The following ESR1 variants were observed in gnomAD, a reference collection of about 807,000 sequenced individuals.
ESR1 encodes the protein estrogen receptor 1.
A neutral mutation model predicts 52.7 loss-of-function variants in ESR1; 12 were observed. That is an observed-to-expected ratio of 0.23 (90% CI 0.15 to 0.37). The LOEUF (loss-of-function observed/expected upper bound fraction) is 0.37, where lower values mean the gene tolerates loss of function less well. Among genes scored for constraint, ESR1 ranks in the 10% least tolerant of loss-of-function variants. The probability of loss-of-function intolerance (pLI) is 1.00; values close to 1 mark genes in which losing one functional copy is unlikely to be tolerated. For synonymous variants in ESR1, 305 were observed against 316.8 expected (o/e 0.96, Z 0.39); for missense variants, 584 against 779.7 (o/e 0.75, Z 2.99).
At chr6:151,839,961 A>T (rs574833472) in intron 1 of ESR1, among the ~76,000 whole-genome samples, 1 of 152,196 alleles carries the variant, frequency 6.6e-6, no homozygotes, top group Non-Finnish European at 1.5e-5. Context: ...TGTGTTATAT[A>T]TATCTTACCA....
At chr6:152,076,416 G>T (rs1209862637) in intron 6 of ESR1, among the ~76,000 whole-genome samples, 1 of 152,056 alleles carries the variant, frequency 6.6e-6, no homozygotes, top group Non-Finnish European at 1.5e-5. Context: ...CCCAGTCTTG[G>T]GTATGTCTTT....
In ESR1 at chr6:152,031,256, A is replaced by C. The variant is rs138196697; in HGVS notation, c.1235+19462A>C. On this transcript the variant is annotated intron_variant, in intron 5 of 7. Transcript: ENST00000206249. ...AGAGAAGCAAGAGCAAACACGTTCA[A>C]AAGCTAGCAGAAGACAAGAAATAAC... Among the ~76,000 whole-genome samples, 771 of 152,334 alleles carry C rather than the reference A, an allele frequency of 5.1e-3. 5 individuals carry two copies. The highest frequency in any genetic ancestry group is 0.018 in the African/African-American group (737 of 41,578).
At chr6:151,956,724 C>T (rs985841266) in intron 4 of ESR1, among the ~76,000 whole-genome samples, 1 of 150,460 alleles carries the variant, frequency 6.6e-6, no homozygotes, top group South Asian at 2.1e-4. Flanking sequence ...ATTTGACTTT[C>T]TTTTCCAAAA....
chr6:151,867,350 T>C (rs1483581023), intron 2 of ESR1, among the ~76,000 whole-genome samples: 1 of 151,480 alleles, frequency 6.6e-6, no homozygotes, highest in Non-Finnish European at 1.5e-5. Flanking sequence ...GGGAGAAAAT[T>C]TTTGCAATCT....
chr6:151,774,717 A>G (rs889933478), intron 2 of ESR1, among the ~76,000 whole-genome samples: 2 of 152,226 alleles, frequency 1.3e-5, no homozygotes, highest in African/African-American at 4.8e-5. Flanking sequence ...GTAGGATTAA[A>G]ATGAAAGAAG....
chr6:151,881,198 G>C (rs1437839474), intron 3 of ESR1, among the ~76,000 whole-genome samples: 1 of 152,170 alleles, frequency 6.6e-6, no homozygotes, highest in East Asian at 1.9e-4. Flanking sequence ...CTAATTTATA[G>C]CCTTCCAGTC....
intron 4 of ESR1, among the ~76,000 whole-genome samples, chr6:151,948,748 C>T (rs554958484): frequency 2.6e-5 from 4 of 152,214 alleles, no homozygotes; most frequent in East Asian, 3.9e-4. Flanking sequence ...GGACATGTCT[C>T]CCACCAGCCC....
At chr6:151,864,775 C>A (rs1456586347) in intron 2 of ESR1, among the ~76,000 whole-genome samples, 1 of 152,234 alleles carries the variant, frequency 6.6e-6, no homozygotes, top group African/African-American at 2.4e-5. Context: ...AGGATGAGTT[C>A]ATATACTTTG....
intron 1 of ESR1, among the ~76,000 whole-genome samples, chr6:151,830,029 C>T (rs1439430876): frequency 6.6e-6 from 1 of 152,208 alleles, no homozygotes; most frequent in Non-Finnish European, 1.5e-5. Context: ...TATGTGATGA[C>T]ATATTGGTCC....
chr6:151,718,021 T>C (rs919117945), intron 2 of ESR1, among the ~76,000 whole-genome samples: 1 of 152,174 alleles, frequency 6.6e-6, no homozygotes, highest in African/African-American at 2.4e-5. Flanking sequence ...TTTAACCATA[T>C]CACCTAACCA....
chr6:151,848,494 A>T (rs555313781), intron 2 of ESR1, among the ~76,000 whole-genome samples: 94 of 139,988 alleles, frequency 6.7e-4, no homozygotes, highest in East Asian at 3.4e-3. Flanking sequence ...AAAAAAATTT[A>T]AAAAAAAAAA....
chr6:151,841,524 T>C (rs1784280369), intron 1 of ESR1, among the ~76,000 whole-genome samples: 1 of 152,200 alleles, frequency 6.6e-6, no homozygotes, highest in African/African-American at 2.4e-5. Flanking sequence ...TACTTCCTTA[T>C]TTTCTTGGTT....
At chr6:152,104,403 T>C (rs1248242056), downstream of ESR1, among the ~76,000 whole-genome samples, 2 of 152,188 alleles carry the variant, frequency 1.3e-5, no homozygotes, top group African/African-American at 4.8e-5. Context: ...GTGCCCAGGA[T>C]AGTACCACAC....
intron 5 of ESR1, among the ~76,000 whole-genome samples, chr6:152,025,716 T>G (rs908034459): frequency 6.6e-6 from 1 of 152,026 alleles, no homozygotes; most frequent in Non-Finnish European, 1.5e-5. Flanking sequence ...ACTAGTTTTC[T>G]GCTTTCTAAC....
At chr6:152,056,345 G>A (rs1233745266) in intron 5 of ESR1, among the ~76,000 whole-genome samples, 1 of 152,152 alleles carries the variant, frequency 6.6e-6, no homozygotes, top group Non-Finnish European at 1.5e-5. Context: ...AAACCATATT[G>A]TACTTTTCTT....
At chr6:151,829,226 G>A (rs1781993082) in intron 1 of ESR1, among the ~76,000 whole-genome samples, 1 of 152,150 alleles carries the variant, frequency 6.6e-6, no homozygotes, top group Admixed American at 6.5e-5. Flanking sequence ...GATGAATTAT[G>A]TTTACTTTGT....
chr6:152,091,936 C>T (rs1294216344), intron 6 of ESR1, among the ~76,000 whole-genome samples: 1 of 152,144 alleles, frequency 6.6e-6, no homozygotes, highest in Non-Finnish European at 1.5e-5. Flanking sequence ...CTAACTCAGC[C>T]CTGTGGCTTG....
At chr6:151,960,481 C>G (rs1028631700) in intron 4 of ESR1, among the ~76,000 whole-genome samples, 1 of 152,136 alleles carries the variant, frequency 6.6e-6, no homozygotes, top group Admixed American at 6.5e-5. Context: ...GTGGAGGGAG[C>G]AGCATTCCAG....
At chr6:151,899,157 G>A (rs866209715) in intron 3 of ESR1, among the ~76,000 whole-genome samples, 80 of 136,172 alleles carry the variant, frequency 5.9e-4, no homozygotes, top group Middle Eastern at 5.3e-3. Flanking sequence ...CGGACGGGGC[G>A]GCTGGCCGGG....
Sources: allele counts gnomAD v4.1 joint callset (sites outside exome capture counted in the v4.1 genomes callset), GRCh38; gene constraint gnomAD v4.1.1; transcripts MANE v1.5; gene names NCBI Gene and HGNC (gene_info 2026-07-23, HGNC 2026-07-21).